GRID2: variants seen among roughly 807,000 people sequenced by gnomAD.
The protein encoded by GRID2 is glutamate receptor ionotropic, delta-2.
A neutral mutation model predicts 114.8 loss-of-function variants in GRID2; 33 were observed. The observed-to-expected ratio is 0.29, with a 90% CI of 0.22 to 0.38. The LOEUF is 0.38. GRID2 is among the 10% of genes least tolerant of loss of function. The pLI is 1.00. For synonymous variants in GRID2, 505 were observed against 449.9 expected (o/e 1.12, Z -1.55); for missense variants, 1,184 against 1,257.7 (o/e 0.94, Z 0.89).
At chr4:92,870,738 GA>G (rs1239711456) in intron 2 of GRID2, among the ~76,000 whole-genome samples, 1 of 151,868 alleles carries the variant, frequency 6.6e-6, no homozygotes, top group Admixed American at 6.6e-5. Context: ...TGTGATAAAA[GA>G]AAAAAATAGC....
At chr4:93,286,692 G>GTGT (rs1561086976) in intron 8 of GRID2, among the ~76,000 whole-genome samples, 115 of 141,454 alleles carry the variant, frequency 8.1e-4, no homozygotes, top group African/African-American at 3.2e-3. Flanking sequence ...TGTGTGTGTG[G>GTGT]GGGTGTGTGT....
At chr4:93,035,323 AG>A (rs1253558215) in intron 2 of GRID2, among the ~76,000 whole-genome samples, 2 of 152,222 alleles carry the variant, frequency 1.3e-5, no homozygotes, top group East Asian at 3.9e-4. Flanking sequence ...ATTTTTGCCC[AG>A]GATGGTCTTG....
chr4:93,073,590 G>T (rs1014153843), intron 2 of GRID2, among the ~76,000 whole-genome samples: 6 of 152,000 alleles, frequency 3.9e-5, no homozygotes, highest in Non-Finnish European at 8.8e-5. Flanking sequence ...ATTGTTCAAG[G>T]GTTGACTATG....
intron 2 of GRID2, among the ~76,000 whole-genome samples, chr4:92,953,895 T>TAC (rs5860299): frequency 0.58 from 87,718 of 151,866 alleles, 26,753 homozygotes; most frequent in Middle Eastern, 0.76. Flanking sequence ...TATTTTAAAA[T>TAC]AGTTTCCACA....
chr4:93,462,780 C>T (rs1332204086), intron 11 of GRID2, among the ~76,000 whole-genome samples: 1 of 152,124 alleles, frequency 6.6e-6, no homozygotes, highest in Non-Finnish European at 1.5e-5. Context: ...TACAAACTCT[C>T]AAAGGATTCA....
intron 1 of GRID2, among the ~76,000 whole-genome samples, chr4:92,551,493 A>T (rs1247004471): frequency 6.6e-6 from 1 of 152,136 alleles, no homozygotes; most frequent in African/African-American, 2.4e-5. Context: ...TGCAACTAAT[A>T]ATATCTGCCT....
rs931019332 is a variant in GRID2, at chr4:93,177,185, G to A, written c.736-30219G>A. On this transcript the variant is annotated intron_variant, in intron 4 of 15. Coordinates refer to ENST00000282020, the MANE Select transcript of GRID2 (RefSeq NM_001510.4). ...ATATATTAAGTGGGACAAAATCCCT[G>A]TGGCTTCTATTCTGTGGCAAAGTGT... Among the ~76,000 whole-genome samples the A allele has an allele frequency of 5.3e-5, 8 of 152,198 alleles. No individual in the cohort carries two copies. In the East Asian group the frequency reaches 1.5e-3, roughly 29 times the overall value.
chr4:93,090,845 GACAA>G (rs944756818), intron 3 of GRID2, among the ~76,000 whole-genome samples: 3 of 152,246 alleles, frequency 2.0e-5, no homozygotes, highest in African/African-American at 4.8e-5. Context: ...CTGGGTGGAA[GACAA>G]ACAAATATTA....
At chr4:93,138,691 C>T (rs1022862262) in intron 4 of GRID2, among the ~76,000 whole-genome samples, 4 of 152,200 alleles carry the variant, frequency 2.6e-5, no homozygotes, top group African/African-American at 9.7e-5. Context: ...AGTTCTCTTC[C>T]TATCTCTATT....
intron 14 of GRID2, among the ~76,000 whole-genome samples, chr4:93,634,461 A>G (rs544335672): frequency 2.6e-5 from 4 of 152,194 alleles, no homozygotes; most frequent in Admixed American, 6.5e-5. Flanking sequence ...CATCTACTAC[A>G]CTAAACACTT....
At chr4:93,013,389 G>T (rs1022858911) in intron 2 of GRID2, among the ~76,000 whole-genome samples, 2 of 151,826 alleles carry the variant, frequency 1.3e-5, no homozygotes, top group African/African-American at 2.4e-5. Context: ...TTCATATTTA[G>T]TTAATATTCC....
intron 2 of GRID2, among the ~76,000 whole-genome samples, chr4:92,918,656 C>G (rs1001342782): frequency 1.1e-4 from 17 of 152,162 alleles, no homozygotes; most frequent in African/African-American, 3.9e-4. Flanking sequence ...ATTACATTTA[C>G]TGATTTGTGT....
intron 4 of GRID2, among the ~76,000 whole-genome samples, chr4:93,196,598 A>G (rs1181418248): frequency 1.3e-5 from 2 of 152,120 alleles, no homozygotes; most frequent in Non-Finnish European, 2.9e-5. Context: ...CCTCCATAGT[A>G]GCTTCATCAA....
At chr4:93,118,266 T>G (rs773118438) in intron 4 of GRID2, among the ~76,000 whole-genome samples, 3 of 152,182 alleles carry the variant, frequency 2.0e-5, no homozygotes, top group Non-Finnish European at 2.9e-5. Flanking sequence ...TTCTCATGGT[T>G]GTTGGCTCAT....
At chr4:92,747,716 C>A (rs1449975387) in intron 2 of GRID2, among the ~76,000 whole-genome samples, 1 of 152,114 alleles carries the variant, frequency 6.6e-6, no homozygotes, top group African/African-American at 2.4e-5. Flanking sequence ...CAGCTTAATC[C>A]TACCCTGATC....
chr4:92,772,999 T>C (rs1738615437), intron 2 of GRID2, among the ~76,000 whole-genome samples: 1 of 152,202 alleles, frequency 6.6e-6, no homozygotes, highest in South Asian at 2.1e-4. Context: ...AAAAATCACC[T>C]ACTCATTAGT....
chr4:92,920,536 A>G (rs1452334210), intron 2 of GRID2, among the ~76,000 whole-genome samples: 2 of 152,142 alleles, frequency 1.3e-5, no homozygotes, highest in Non-Finnish European at 2.9e-5. Flanking sequence ...CTTTTAGGGC[A>G]GGCCTGGTGT....
intron 3 of GRID2, among the ~76,000 whole-genome samples, chr4:93,101,970 T>G (rs1406710017): frequency 6.6e-6 from 1 of 152,178 alleles, no homozygotes; most frequent in African/African-American, 2.4e-5. Flanking sequence ...AAATGTTAAT[T>G]TCTTCCACTA....
chr4:92,548,420 G>GTTTTTT (rs398072227), intron 1 of GRID2, among the ~76,000 whole-genome samples: 1 of 3,764 alleles, frequency 2.7e-4, no homozygotes, highest in Non-Finnish European at 5.9e-4. Context: ...TTTTTTTTTT[G>GTTTTTT]AGACAGAGTC....
Sources: allele counts gnomAD v4.1 joint callset (sites outside exome capture counted in the v4.1 genomes callset), GRCh38; gene constraint gnomAD v4.1.1; transcripts MANE v1.5; gene names NCBI Gene and HGNC (gene_info 2026-07-23, HGNC 2026-07-21).